Variants in CDH1 observed in about 807,000 individuals in gnomAD.
The protein encoded by CDH1 is cadherin-1.
In CDH1, 35 loss-of-function variants were observed where a neutral mutation model predicts 84.5. The observed-to-expected ratio is 0.41, with a 90% CI of 0.32 to 0.55. CDH1 has a LOEUF of 0.55. Among genes scored for constraint, CDH1 ranks in the 20% least tolerant of loss-of-function variants. The pLI is 0.19. For missense variants in CDH1, 994 were observed against 1,126.6 expected (o/e 0.88, Z 1.68); for synonymous variants, 417 against 439.0 (o/e 0.95, Z 0.63).
At chr16:68,787,825 A>ATTTTT (rs58676133) in intron 2 of CDH1, among the ~76,000 whole-genome samples, 2 of 102,354 alleles carry the variant, frequency 2.0e-5, no homozygotes, top group Non-Finnish European at 1.9e-5. Context: ...CGCCCGGCTA[A>ATTTTT]TTTTTTTTTT....
chr16:68,778,926 T>C (rs1284939135), intron 2 of CDH1, among the ~76,000 whole-genome samples: 1 of 152,180 alleles, frequency 6.6e-6, no homozygotes, highest in Admixed American at 6.5e-5. Context: ...CCCTCTCATG[T>C]CAGAAGGCAG....
intron 2 of CDH1, among the ~76,000 whole-genome samples, chr16:68,745,536 A>G (rs1663030942): frequency 2.0e-5 from 1 of 49,096 alleles, no homozygotes; most frequent in South Asian, 5.9e-4. Flanking sequence ...CCTGTCTCAA[A>G]AAAAAAAAAA....
intron 3 of CDH1, among the ~76,000 whole-genome samples, chr16:68,803,575 T>G (rs1292261311): frequency 4.6e-5 from 7 of 152,094 alleles, no homozygotes. Flanking sequence ...TTTTTGGATT[T>G]TAGTAGAGAT....
intron 2 of CDH1, among the ~76,000 whole-genome samples, chr16:68,768,161 G>C (rs1423722557): frequency 6.6e-6 from 1 of 152,080 alleles, no homozygotes; most frequent in East Asian, 1.9e-4. Flanking sequence ...GATCAGGCTG[G>C]TCTCGAAGTC....
chr16:68,812,406 C>G, intron 8 of CDH1, 143 bp downstream of exon 8: 2 of 941,480 alleles, frequency 2.1e-6, no homozygotes, highest in South Asian at 1.4e-5. Flanking sequence ...AAGCAAGCAT[C>G]TTGAGATGGC....
chr16:68,762,765 C>T (rs1234049838), intron 2 of CDH1, among the ~76,000 whole-genome samples: 1 of 151,692 alleles, frequency 6.6e-6, no homozygotes, highest in Non-Finnish European at 1.5e-5. Flanking sequence ...AAAAATTATC[C>T]GGGCGTGTTG....
chr16:68,763,695 A>G (rs962603643), intron 2 of CDH1, among the ~76,000 whole-genome samples: 1 of 152,182 alleles, frequency 6.6e-6, no homozygotes, highest in Admixed American at 6.5e-5. Context: ...TGAAATGCTG[A>G]TTAGTTCATT....
intron 2 of CDH1, among the ~76,000 whole-genome samples, chr16:68,754,477 G>A (rs1049730679): frequency 6.6e-6 from 1 of 152,210 alleles, no homozygotes; most frequent in Non-Finnish European, 1.5e-5. Flanking sequence ...TGTATTGAGC[G>A]GTGCTTTCTG....
chr16:68,804,627 CAA>C, intron 3 of CDH1, among the ~76,000 whole-genome samples: 1 of 151,994 alleles, frequency 6.6e-6, no homozygotes, highest in East Asian at 1.9e-4. Flanking sequence ...TAATCAGAAA[CAA>C]AGAGTGGATA....
chr16:68,825,072 T>C (rs941723822), intron 13 of CDH1, among the ~76,000 whole-genome samples: 1 of 152,068 alleles, frequency 6.6e-6, no homozygotes, highest in African/African-American at 2.4e-5. Context: ...AAAGCAAGAC[T>C]GTCTCTACAA....
intron 5 of CDH1, 36 bp downstream of exon 5, chr16:68,808,884 A>G (rs1273839030): frequency 3.1e-6 from 5 of 1,610,064 alleles, no homozygotes; most frequent in Non-Finnish European, 3.4e-6. Context: ...ACACCGGGGT[A>G]ACATCCACCC....
chr16:68,774,385 C>T (rs1047963450), intron 2 of CDH1, among the ~76,000 whole-genome samples: 7 of 152,018 alleles, frequency 4.6e-5, no homozygotes, highest in Admixed American at 2.0e-4. Flanking sequence ...CTGGGCGTGG[C>T]GGTGGGTGCC....
intron 2 of CDH1, among the ~76,000 whole-genome samples, chr16:68,761,367 C>A (rs1013123998): frequency 1.3e-5 from 2 of 152,186 alleles, no homozygotes; most frequent in African/African-American, 4.8e-5. Flanking sequence ...ATCCCAAATC[C>A]CCTTCTCCTC....
intron 2 of CDH1, among the ~76,000 whole-genome samples, chr16:68,783,612 T>G (rs1200594100): frequency 6.6e-6 from 1 of 152,144 alleles, no homozygotes; most frequent in Non-Finnish European, 1.5e-5. Flanking sequence ...TAAAGACAGA[T>G]TCTTCCCATA....
intron 2 of CDH1, among the ~76,000 whole-genome samples, chr16:68,740,510 A>G (rs1454547931): frequency 6.6e-6 from 1 of 151,916 alleles, no homozygotes; most frequent in East Asian, 1.9e-4. Flanking sequence ...GGCAAACTTG[A>G]TCCAGTCTTG....
chr16:68,744,014 G>T (rs1192107793), intron 2 of CDH1, among the ~76,000 whole-genome samples: 1 of 152,244 alleles, frequency 6.6e-6, no homozygotes, highest in Non-Finnish European at 1.5e-5. Flanking sequence ...ATGCCAATGG[G>T]CAGGAATGTA....
chr16:68,820,130 T>A (rs1309709421), intron 11 of CDH1, among the ~76,000 whole-genome samples: 1 of 151,836 alleles, frequency 6.6e-6, no homozygotes, highest in East Asian at 2.0e-4. Context: ...GTCTGAAAGG[T>A]GGAGGCTGCA....
At chr16:68,766,979 G>C (rs576176802) in intron 2 of CDH1, among the ~76,000 whole-genome samples, 3 of 151,678 alleles carry the variant, frequency 2.0e-5, no homozygotes, top group Admixed American at 2.0e-4. Context: ...TGCCTGTCTC[G>C]GCCTCCCAAA....
Position 68,745,549 on chromosome 16 carries a change from A to ATATATATATATATGTATATATATAT in CDH1, c.163+7138_163+7139insTATATATATATATGTATATATATAT, listed in dbSNP as rs1285099283. Among the ~76,000 whole-genome samples, 2 of 75,182 alleles carry ATATATATATATATGTATATATATAT rather than the reference A, an allele frequency of 2.7e-5. 1 individual carries two copies. The highest frequency in any genetic ancestry group is 1.1e-4 in the African/African-American group (2 of 18,058). 49.3% of individuals were successfully genotyped at this position (75,182 alleles called of 152,430 possible). ...ATCCTGTCTCAAAAAAAAAAAAAAA[A>ATATATATATATATGTATATATATAT]ATATATATATATATGTATATATATA... is the stretch of plus-strand genomic sequence containing the variant. On this transcript the variant is annotated intron_variant, in intron 2 of 15. Coordinates refer to ENST00000261769, the MANE Select transcript of CDH1 (RefSeq NM_004360.5).
Sources: gnomAD v4.1 joint callset for allele counts (sites outside exome capture counted in the v4.1 genomes callset) on GRCh38, gnomAD v4.1.1 for gene constraint, MANE v1.5 for transcripts, NCBI Gene and HGNC (gene_info 2026-07-23, HGNC 2026-07-21) for gene names.